Variants in ACAP2 observed in about 807,000 individuals in gnomAD.
ACAP2 encodes arf-GAP with coiled-coil, ANK repeat and PH domain-containing protein 2.
A neutral mutation model predicts 115.8 loss-of-function variants in ACAP2; 39 were observed. The ratio of observed to expected loss-of-function variants is 0.34; its 90% confidence interval spans 0.26 to 0.44. ACAP2 has a LOEUF of 0.44. Ranked by LOEUF, ACAP2 falls within the 20% of genes least tolerant of loss-of-function variation. The pLI is 1.00. For missense variants in ACAP2, 662 were observed against 927.6 expected, an observed-to-expected ratio of 0.71 and a Z score of 3.72; for synonymous variants, 289 against 315.8, an observed-to-expected ratio of 0.92 and a Z score of 0.90.
At chr3:195,377,938 C>T (rs1420359340) in intron 4 of ACAP2, among the ~76,000 whole-genome samples, 2 of 151,966 alleles carry the variant, frequency 1.3e-5, no homozygotes, top group Non-Finnish European at 2.9e-5. Context: ...GACCTCCAGG[C>T]AGACGGACAA....
intron 22 of ACAP2, among the ~76,000 whole-genome samples, chr3:195,283,058 T>G (rs906938743): frequency 1.3e-5 from 2 of 152,176 alleles, no homozygotes; most frequent in African/African-American, 2.4e-5. Context: ...GATCAGCGAT[T>G]CCCAACTTGT....
At position 195,377,138 on chromosome 3, in the gene ACAP2, C is replaced by CTTTTTTT. The variant is rs749352761; in HGVS notation, c.285+3864_285+3870dup. On this transcript the variant is annotated intron_variant, in intron 4 of 22. Coordinates refer to ENST00000326793, the MANE Select transcript of ACAP2 (RefSeq NM_012287.6). ...CATTTTACAGAGGAGGAATGTAAAT[C>CTTTTTTT]TTTTTTTTTTTTTTTTTTTTTTTGG... is the stretch of plus-strand genomic sequence containing the variant. Among the ~76,000 whole-genome samples the CTTTTTTT allele has an allele frequency of 4.3e-3, 334 of 77,090 alleles. 21 individuals are homozygous for CTTTTTTT. The highest frequency in any genetic ancestry group is 0.016 in the African/African-American group (301 of 18,880). The allele number at this position is 77,090 out of a possible 152,430, so 50.6% of individuals were successfully genotyped here. A position where few individuals can be genotyped will look rare whatever the true frequency, so the allele number is the denominator to read the frequency against.
chr3:195,394,859 A>C (rs1231695626), intron 1 of ACAP2, among the ~76,000 whole-genome samples: 4 of 151,802 alleles, frequency 2.6e-5, no homozygotes, highest in African/African-American at 7.3e-5. Flanking sequence ...TTCAAGTTAC[A>C]GTGAGCTATG....
At chr3:195,318,008 G>A (rs777916986) in intron 10 of ACAP2, among the ~76,000 whole-genome samples, 16 of 152,110 alleles carry the variant, frequency 1.1e-4, no homozygotes, top group Admixed American at 8.5e-4. Flanking sequence ...TCATGCAGGC[G>A]GTTTTCCCCA....
At chr3:195,397,365 G>A (rs1711881007) in intron 1 of ACAP2, among the ~76,000 whole-genome samples, 1 of 152,002 alleles carries the variant, frequency 6.6e-6, no homozygotes, top group African/African-American at 2.4e-5. Flanking sequence ...GGCAGTCCTG[G>A]GATTTGTTAA....
chr3:195,420,632 T>C (rs1714112561), intron 1 of ACAP2, among the ~76,000 whole-genome samples: 1 of 151,634 alleles, frequency 6.6e-6, no homozygotes, highest in Admixed American at 6.6e-5. Context: ...CGTGAGCCAC[T>C]GCGCCCGGCC....
intron 4 of ACAP2, among the ~76,000 whole-genome samples, chr3:195,350,814 A>C (rs1347575110): frequency 3.9e-5 from 6 of 152,212 alleles, no homozygotes; most frequent in Admixed American, 3.9e-4. Flanking sequence ...TTTAATAATA[A>C]TAGAGAGGAA....
At chr3:195,405,409 T>C (rs1712675888) in intron 1 of ACAP2, among the ~76,000 whole-genome samples, 1 of 152,156 alleles carries the variant, frequency 6.6e-6, no homozygotes, top group Non-Finnish European at 1.5e-5. Context: ...ACCTGAGGTC[T>C]GGTACGGTGG....
At chr3:195,429,854 C>T (rs933531261) in intron 1 of ACAP2, among the ~76,000 whole-genome samples, 18 of 152,056 alleles carry the variant, frequency 1.2e-4, no homozygotes, top group African/African-American at 4.1e-4. Flanking sequence ...GATCTATGAT[C>T]CATTTTGGGA....
intron 1 of ACAP2, chr3:195,419,659 T>C (rs182684146): frequency 1.3e-5 from 2 of 152,344 alleles, no homozygotes; most frequent in Admixed American, 1.3e-4. Flanking sequence ...TTCATGTATA[T>C]TTTCCAATAC....
Position 195,320,773 on chromosome 3 carries a change from T to C in ACAP2, c.785A>G (p.Asp262Gly). 3 of 1,613,648 alleles carry C rather than the reference T, an allele frequency of 1.9e-6. No homozygotes were observed. Among genetic ancestry groups the C allele is most frequent in the Non-Finnish European group, 2.5e-6 (3 of 1,179,722 alleles). Reference sequence around the variant, plus strand: ...TTCCATAACTATGCCATTTGCAGCATCTACGTTATATTCTAACTTAGAATC... The same window carrying C: ...TTCCATAACTATGCCATTTGCAGCACCTACGTTATATTCTAACTTAGAATC... ...SDDSKLEYNVDAANGIVMEGY... is the reference protein window; with the variant it reads ...SDDSKLEYNVGAANGIVMEGY... Residue 262 changes from aspartate to glycine, a missense_variant, in exon 10 of 23, where the codon GAT becomes GGT. Asp to Gly is a moderately conservative substitution (Grantham distance 94). This residue lies in a region of ACAP2 where 401 missense variants were observed against 604.4 expected (regional missense o/e 0.66). Transcript: ENST00000326793.
chr3:195,313,523 T>C (rs554755297), intron 10 of ACAP2, among the ~76,000 whole-genome samples: 1 of 152,336 alleles, frequency 6.6e-6, no homozygotes, highest in East Asian at 1.9e-4. Context: ...CCCGTTTTCA[T>C]GAAATGGTTA....
At chr3:195,379,959 G>T (rs1348343364) in intron 4 of ACAP2, among the ~76,000 whole-genome samples, 2 of 152,150 alleles carry the variant, frequency 1.3e-5, no homozygotes, top group Non-Finnish European at 2.9e-5. Flanking sequence ...TACTAGGATG[G>T]TTATAATTTT....
At chr3:195,306,795 T>C (rs1728450425) in intron 12 of ACAP2, 179 bp from the exon 13 acceptor site, 1 of 450,772 alleles carries the variant, frequency 2.2e-6, no homozygotes, top group African/African-American at 2.1e-5. Flanking sequence ...ACGAAGAAAT[T>C]AAGGTGCCAA....
intron 4 of ACAP2, among the ~76,000 whole-genome samples, chr3:195,356,883 G>A (rs1732007729): frequency 1.3e-5 from 2 of 151,892 alleles, no homozygotes; most frequent in South Asian, 2.1e-4. Flanking sequence ...GACTTCAGGT[G>A]TGACCCGGCA....
chr3:195,331,750 C>A (rs1730181988), intron 8 of ACAP2, among the ~76,000 whole-genome samples: 1 of 152,104 alleles, frequency 6.6e-6, no homozygotes, highest in African/African-American at 2.4e-5. Flanking sequence ...CCGAACAGAT[C>A]TAATATAATG....
intron 22 of ACAP2, 56 bp downstream of exon 22, chr3:195,285,740 T>C: frequency 7.3e-7 from 1 of 1,378,834 alleles, no homozygotes; most frequent in Non-Finnish European, 1.0e-6. Context: ...AACTGATAAA[T>C]TCCTGAATGC....
At chr3:195,361,449 AAAG>A in intron 4 of ACAP2, among the ~76,000 whole-genome samples, 3 of 151,856 alleles carry the variant, frequency 2.0e-5, no homozygotes, top group African/African-American at 7.2e-5. Context: ...AAAAAAAAGA[AAAG>A]AAACTAAAAA....
At chr3:195,291,065 C>G (rs769543048) in intron 20 of ACAP2, among the ~76,000 whole-genome samples, 1 of 151,990 alleles carries the variant, frequency 6.6e-6, no homozygotes, top group African/African-American at 2.4e-5. Context: ...GAGCTTCTTG[C>G]TTATCCACCA....
Sources: allele counts gnomAD v4.1 joint callset (sites outside exome capture counted in the v4.1 genomes callset), GRCh38; gene constraint gnomAD v4.1.1; regional missense constraint gnomAD v4.1.1; transcripts MANE v1.5; gene names NCBI Gene and HGNC (gene_info 2026-07-23, HGNC 2026-07-21).